PLXNA4: variants seen among roughly 807,000 people sequenced by gnomAD.
The protein encoded by PLXNA4 is plexin-A4.
A neutral mutation model predicts 191.8 loss-of-function variants in PLXNA4; 44 were observed. That is an observed-to-expected ratio of 0.23 (90% CI 0.18 to 0.29). The LOEUF is 0.29. PLXNA4 is among the 10% of genes least tolerant of loss of function. PLXNA4 has a pLI of 1.00. For missense variants in PLXNA4, 1,800 were observed against 2,488.8 expected, an observed-to-expected ratio of 0.72 and a Z score of 5.89; for synonymous variants, 1,082 against 1,009.5, an observed-to-expected ratio of 1.07 and a Z score of -1.36.
intron 31 of PLXNA4, among the ~76,000 whole-genome samples, chr7:132,131,256 T>G (rs976928141): frequency 3.3e-5 from 5 of 152,152 alleles, no homozygotes; most frequent in African/African-American, 4.8e-5. Flanking sequence ...AGAATTTTAC[T>G]CAGACTCAGG....
intron 13 of PLXNA4, among the ~76,000 whole-genome samples, chr7:132,196,298 A>C (rs1797252978): frequency 6.6e-6 from 1 of 152,224 alleles, no homozygotes. Flanking sequence ...ACCCATGTGT[A>C]ATATCCAGTG....
chr7:132,181,972 GTCAGGCTGTGGGTTA>G lies in PLXNA4; in HGVS notation c.3252+110_3252+124del. On this transcript the variant is annotated intron_variant, in intron 17 of 31. Coordinates refer to ENST00000321063, the MANE Select transcript of PLXNA4 (RefSeq NM_020911.2). ...TTCCACTATCCTAGTATTCAAGGGTGTCAGGCTGTGGGTTATCAGTGTATGGGCAGGGAGTTACCT... is the reference window on the plus strand; with the variant it reads ...TTCCACTATCCTAGTATTCAAGGGTGTCAGTGTATGGGCAGGGAGTTACCT... 6 of 1,478,614 alleles carry G rather than the reference GTCAGGCTGTGGGTTA, an allele frequency of 4.1e-6. No individual in the cohort carries two copies. The South Asian group carries it at 7.5e-5, about 18-fold the overall frequency. 91.6% of individuals were successfully genotyped at this position (1,478,614 alleles called of 1,614,324 possible). A position where few individuals can be genotyped will look rare whatever the true frequency, so the allele number is the denominator to read the frequency against.
chr7:132,516,691 C>G (rs952015254), intron 1 of PLXNA4, among the ~76,000 whole-genome samples: 3 of 152,132 alleles, frequency 2.0e-5, no homozygotes, highest in Non-Finnish European at 2.9e-5. Flanking sequence ...GGAGTGGTGA[C>G]TCATGCCTGT....
intron 2 of PLXNA4, among the ~76,000 whole-genome samples, chr7:132,603,813 G>A (rs959741172): frequency 6.6e-6 from 1 of 152,170 alleles, no homozygotes; most frequent in Non-Finnish European, 1.5e-5. Context: ...TTTAAAAACT[G>A]TATCACACTG....
At chr7:132,230,389 T>C (rs1035341244) in intron 5 of PLXNA4, among the ~76,000 whole-genome samples, 7 of 152,224 alleles carry the variant, frequency 4.6e-5, no homozygotes, top group African/African-American at 1.4e-4. Flanking sequence ...CCCTCAATCT[T>C]TCTGTCTAGG....
At chr7:132,182,558 A>G (rs1796744690) in intron 16 of PLXNA4, among the ~76,000 whole-genome samples, 1 of 152,072 alleles carries the variant, frequency 6.6e-6, no homozygotes, top group African/African-American at 2.4e-5. Context: ...GTCCTCACCA[A>G]TCTTGGGACT....
Position 132,126,172 on chromosome 7 carries a change from T to C in PLXNA4, c.*4307A>G, listed in dbSNP as rs1345918778. On this transcript the variant is annotated 3_prime_UTR_variant, in exon 32 of 32. Coordinates refer to ENST00000321063, the MANE Select transcript of PLXNA4 (RefSeq NM_020911.2). Reference sequence around the variant, plus strand: ...GAGACCTGGGCCCATCACAGCATCGTTCACGGCTCTGGAAACAGTGGTAAG... The same window carrying C: ...GAGACCTGGGCCCATCACAGCATCGCTCACGGCTCTGGAAACAGTGGTAAG... 1 of 152,352 alleles carries C rather than the reference T, an allele frequency of 6.6e-6. No homozygotes were observed. The highest frequency in any genetic ancestry group is 2.4e-5 in the African/African-American group (1 of 41,452). The allele number at this position is 152,352 out of a possible 1,614,324, so 9.4% of individuals were successfully genotyped here.
At chr7:132,626,992 A>G (rs1330164516) in intron 2 of PLXNA4, among the ~76,000 whole-genome samples, 1 of 152,224 alleles carries the variant, frequency 6.6e-6, no homozygotes, top group Non-Finnish European at 1.5e-5. Context: ...CTATGATGAC[A>G]AGAAAATTTC....
chr7:132,563,085 CTCCTCTTCT>C lies in PLXNA4; in HGVS notation c.-87+13328_-87+13336del, dbSNP rs1404732372. 3.3e-5 allele frequency among the ~76,000 whole-genome samples: 3 copies of C among 90,492 alleles called. No individual in the cohort carries two copies. In the South Asian group the frequency reaches 1.8e-3, roughly 55 times the overall value. The allele number at this position is 90,492 out of a possible 152,430, so 59.4% of individuals were successfully genotyped here. ...TCTCCTCCTCCTCCTCCTTCTCCTC[CTCCTCTTCT>C]TCCTCCTCCTCCTCTCCCTCCTCCT... is the stretch of plus-strand genomic sequence containing the variant. On this transcript the variant is annotated intron_variant, in intron 1 of 31. Transcript: ENST00000321063.
intron 3 of PLXNA4, among the ~76,000 whole-genome samples, chr7:132,419,848 A>G (rs2117136303): frequency 6.6e-6 from 1 of 152,388 alleles, no homozygotes; most frequent in Middle Eastern, 3.4e-3. Flanking sequence ...CTGTGTTCCA[A>G]CACAACTTTA....
At chr7:132,312,677 G>T (rs191844366) in intron 3 of PLXNA4, among the ~76,000 whole-genome samples, 1 of 152,150 alleles carries the variant, frequency 6.6e-6, no homozygotes, top group African/African-American at 2.4e-5. Context: ...GGGCTTCTAC[G>T]CAGCTCTGCC....
At chr7:132,147,694 C>T (rs529487399) in intron 27 of PLXNA4, among the ~76,000 whole-genome samples, 6 of 152,188 alleles carry the variant, frequency 3.9e-5, no homozygotes, top group Non-Finnish European at 7.3e-5. Context: ...TTCTTTTGCT[C>T]GTGGATGAAG....
intron 2 of PLXNA4, among the ~76,000 whole-genome samples, chr7:132,499,713 G>A (rs1365125098): frequency 1.3e-5 from 2 of 152,198 alleles, no homozygotes; most frequent in Non-Finnish European, 2.9e-5. Flanking sequence ...TCCCTCATTA[G>A]TGGAAATAAA....
chr7:132,561,491 TTCTCCTCCCCCACCTCCTCCTCCTC>T, intron 1 of PLXNA4, among the ~76,000 whole-genome samples: 1 of 105,898 alleles, frequency 9.4e-6, no homozygotes, highest in South Asian at 3.8e-4. Flanking sequence ...TCCTCCTCCT[TTCTCCTCCCCCACCTCCTCCTCCTC>T]CTTCTCCTCC....
intron 3 of PLXNA4, among the ~76,000 whole-genome samples, chr7:132,305,497 C>G (rs1801483684): frequency 1.3e-5 from 2 of 152,128 alleles, no homozygotes; most frequent in East Asian, 3.9e-4. Flanking sequence ...TCCTCCAGCC[C>G]TGCTGGCCCC....
intron 1 of PLXNA4, among the ~76,000 whole-genome samples, chr7:132,513,495 A>T (rs1323530451): frequency 6.6e-6 from 1 of 152,146 alleles, no homozygotes; most frequent in East Asian, 1.9e-4. Flanking sequence ...GGCCTCACTC[A>T]GTTATTCACA....
chr7:132,540,802 T>C (rs1345923140), intron 1 of PLXNA4, among the ~76,000 whole-genome samples: 1 of 151,512 alleles, frequency 6.6e-6, no homozygotes, highest in Non-Finnish European at 1.5e-5. Context: ...TTAGCCAGGA[T>C]GGTCTCGATC....
At chr7:132,331,034 A>C (rs1045176281) in intron 3 of PLXNA4, among the ~76,000 whole-genome samples, 1 of 150,416 alleles carries the variant, frequency 6.6e-6, no homozygotes, top group African/African-American at 2.4e-5. Context: ...CAGAGTAGAG[A>C]GTGAGGGTGG....
intron 3 of PLXNA4, among the ~76,000 whole-genome samples, chr7:132,325,907 A>G (rs1248449115): frequency 6.6e-6 from 1 of 152,190 alleles, no homozygotes; most frequent in African/African-American, 2.4e-5. Context: ...ACACAGCTGA[A>G]AGCCAGGACA....
Sources: gnomAD v4.1 joint callset for allele counts (sites outside exome capture counted in the v4.1 genomes callset) on GRCh38, gnomAD v4.1.1 for gene constraint, MANE v1.5 for transcripts, NCBI Gene and HGNC (gene_info 2026-07-23, HGNC 2026-07-21) for gene names.